The following REPS2 variants were observed in gnomAD, a reference collection of about 807,000 sequenced individuals.
The protein encoded by REPS2 is RALBP1 associated Eps domain containing 2, also known as ralBP1-associated Eps domain-containing protein 2.
In REPS2, 23 loss-of-function variants were observed where a neutral mutation model predicts 53.6. That is an observed-to-expected ratio of 0.43 (90% CI 0.31 to 0.61). REPS2 has a LOEUF of 0.61. Ranked by LOEUF, REPS2 falls within the 20% of genes least tolerant of loss-of-function variation. The pLI, the probability that REPS2 is intolerant of heterozygous loss-of-function variation, is 0.11. For missense variants in REPS2, 446 were observed against 534.9 expected, an observed-to-expected ratio of 0.83 and a Z score of 1.64; for synonymous variants, 238 against 218.6, an observed-to-expected ratio of 1.09 and a Z score of -0.78.
At chrX:16,984,082 T>C (rs1392213196) in intron 1 of REPS2, among the ~76,000 whole-genome samples, 2 of 112,803 alleles carry the variant, frequency 1.8e-5, no homozygotes, top group Non-Finnish European at 3.7e-5. Flanking sequence ...CAAACAGTTA[T>C]TGTCTGACAT....
At chrX:17,172,010 T>G in the REPS2 span, among the ~76,000 whole-genome samples, 1 of 111,578 alleles carries the variant, frequency 9.0e-6, no homozygotes, top group Admixed American at 9.5e-5. Context: ...TAAAGATAAA[T>G]TATATACAGA....
chrX:17,194,310 T>C, the REPS2 span, among the ~76,000 whole-genome samples: 12 of 111,412 alleles, frequency 1.1e-4, no homozygotes, highest in African/African-American at 3.9e-4. Context: ...ACTGATCTAA[T>C]AGCCCAAAAC....
intron 5 of REPS2, among the ~76,000 whole-genome samples, chrX:17,029,923 T>C (rs2061687007): frequency 8.9e-6 from 1 of 112,119 alleles, no homozygotes; most frequent in Admixed American, 9.4e-5. Context: ...TCAGGAGAGC[T>C]TCACTTTTTC....
the REPS2 span, among the ~76,000 whole-genome samples, chrX:17,191,901 G>GGGC: frequency 8.9e-6 from 1 of 111,890 alleles, no homozygotes; most frequent in African/African-American, 3.3e-5. Context: ...ATTACAAAGG[G>GGGC]GGCACCTCAA....
At chrX:17,191,858 G>T in the REPS2 span, among the ~76,000 whole-genome samples, 9 of 112,175 alleles carry the variant, frequency 8.0e-5, no homozygotes, top group South Asian at 3.4e-3. Flanking sequence ...ACGCATCAGT[G>T]GTTGCAGGGT....
At chrX:17,143,496 T>G (rs932951829) in intron 17 of REPS2, among the ~76,000 whole-genome samples, 1 of 109,960 alleles carries the variant, frequency 9.1e-6, no homozygotes, top group African/African-American at 3.3e-5. Context: ...GGTTTTTTAT[T>G]TTCATTTTTG....
At position 17,135,314 on chromosome X, in the gene REPS2, A is replaced by T; in HGVS notation, c.1716A>T (p.Pro572=). The part of the protein sequence containing the change: ...PSKPIRRKFR[P]ENQATENQEP... ...AGCCCATTCGTAGGAAATTCAGACC[A>T]GAAAACCAAGCTACAGAAAACCAAG... The change falls in exon 16 of 18, where the codon CCA becomes CCT. Residue 572 remains proline, a synonymous_variant. Transcript: ENST00000357277. 1 of 1,211,977 alleles carries T rather than the reference A, an allele frequency of 8.3e-7. No homozygotes were observed. Among genetic ancestry groups the T allele is most frequent in the Non-Finnish European group, 1.1e-6 (1 of 895,418 alleles).
At chrX:17,047,539 G>A in intron 6 of REPS2, 57 bp downstream of exon 6, 1 of 1,155,464 alleles carries the variant, frequency 8.7e-7, no homozygotes, top group Non-Finnish European at 1.2e-6. Flanking sequence ...ACCATCTTGA[G>A]AAATCATTCA....
At chrX:17,137,951 T>C (rs1305722046) in intron 16 of REPS2, 1 of 112,510 alleles carries the variant, frequency 8.9e-6, no homozygotes, top group Non-Finnish European at 1.9e-5. Context: ...TCACAGTCCA[T>C]TCTAGTTCAG....
At chrX:17,032,204 A>T (rs2061716438) in intron 5 of REPS2, among the ~76,000 whole-genome samples, 1 of 112,064 alleles carries the variant, frequency 8.9e-6, no homozygotes, top group African/African-American at 3.2e-5. Context: ...CTTAGGCTGG[A>T]CATAGGTATT....
At chrX:17,034,285 A>G (rs952869393) in intron 5 of REPS2, among the ~76,000 whole-genome samples, 4 of 111,207 alleles carry the variant, frequency 3.6e-5, no homozygotes, top group African/African-American at 1.3e-4. Context: ...TGTATGCACT[A>G]TATGTATTTA....
At chrX:17,074,825 G>T (rs1324784431) in intron 12 of REPS2, among the ~76,000 whole-genome samples, 5 of 111,910 alleles carry the variant, frequency 4.5e-5, no homozygotes, top group Non-Finnish European at 9.4e-5. Context: ...TGGTAGAACT[G>T]CAGTGTAAGA....
intron 1 of REPS2, among the ~76,000 whole-genome samples, chrX:16,953,263 C>T (rs1178378837): frequency 8.9e-6 from 1 of 111,865 alleles, no homozygotes; most frequent in African/African-American, 3.3e-5. Context: ...AAACCATTGC[C>T]TGGTTAAAAG....
chrX:16,952,482 T>TA (rs1289551048), intron 1 of REPS2, among the ~76,000 whole-genome samples: 1 of 111,714 alleles, frequency 9.0e-6, no homozygotes, highest in Non-Finnish European at 1.9e-5. Context: ...ACTGAATGAT[T>TA]AAAAAAAACC....
intron 1 of REPS2, among the ~76,000 whole-genome samples, chrX:16,962,564 T>C (rs183978536): frequency 6.8e-4 from 76 of 111,482 alleles, no homozygotes; most frequent in Non-Finnish European, 1.9e-4. Flanking sequence ...CTTGCAGTGA[T>C]GTAGGCTCAA....
At position 17,150,411 on chromosome X, in the gene REPS2, C is replaced by G. The variant is rs1569205614; in HGVS notation, c.*2930C>G. 8.9e-6 allele frequency: 1 copy of G among 112,630 alleles called. No individual in the cohort carries two copies. The highest frequency in any genetic ancestry group is 1.9e-5 in the Non-Finnish European group (1 of 53,358). 9.3% of individuals were successfully genotyped at this position (112,630 alleles called of 1,213,427 possible). A position where few individuals can be genotyped will look rare whatever the true frequency, so the allele number is the denominator to read the frequency against. ...CCCACAGATGAAAGCACAGTAGTAG[C>G]TGACAGCTGGCTTATTTGGTCCCTC... On this transcript the variant is annotated 3_prime_UTR_variant, in exon 18 of 18. Transcript: ENST00000357277.
chrX:17,069,809 G>T, intron 10 of REPS2, 131 bp from the exon 11 acceptor site: 1 of 351,449 alleles, frequency 2.8e-6, no homozygotes, highest in South Asian at 1.0e-4. Flanking sequence ...AGGTTTGTGA[G>T]ACCTGTTTTT....
At chrX:17,162,395 A>T in the REPS2 span, among the ~76,000 whole-genome samples, 4 of 112,765 alleles carry the variant, frequency 3.5e-5, no homozygotes, top group East Asian at 5.6e-4. Flanking sequence ...AGGGAATGAG[A>T]TGTTCATAGA....
At chrX:17,192,322 T>G in the REPS2 span, among the ~76,000 whole-genome samples, 1 of 112,427 alleles carries the variant, frequency 8.9e-6, no homozygotes, top group Admixed American at 9.4e-5. Flanking sequence ...GAGTCACCAT[T>G]TTGTTAACAG....
Sources: allele counts gnomAD v4.1 joint callset (sites outside exome capture counted in the v4.1 genomes callset), GRCh38; gene constraint gnomAD v4.1.1; transcripts MANE v1.5; gene names NCBI Gene and HGNC (gene_info 2026-07-23, HGNC 2026-07-21).